The following TNRC6A variants were observed in gnomAD, a reference collection of about 807,000 sequenced individuals.
TNRC6A encodes the protein trinucleotide repeat-containing gene 6A protein.
TNRC6A carries 44 observed loss-of-function variants against 221.2 expected under a neutral mutation model. The observed-to-expected ratio is 0.20, with a 90% confidence interval of 0.16 to 0.26. The LOEUF (loss-of-function observed/expected upper bound fraction) is 0.26, where lower values mean the gene tolerates loss of function less well. TNRC6A is among the 10% of genes least tolerant of loss of function. The pLI, the probability that TNRC6A is intolerant of heterozygous loss-of-function variation, is 1.00. For missense variants in TNRC6A, 2,199 were observed against 2,404.4 expected, an observed-to-expected ratio of 0.91 and a Z score of 1.79; for synonymous variants, 847 against 838.5, an observed-to-expected ratio of 1.01 and a Z score of -0.18.
intron 2 of TNRC6A, among the ~76,000 whole-genome samples, chr16:24,689,446 G>C (rs1265312282): frequency 6.6e-6 from 1 of 152,200 alleles, no homozygotes; most frequent in Admixed American, 6.5e-5. Flanking sequence ...GCTGAAATCC[G>C]CACATTGATG....
At chr16:24,620,517 T>C (rs1324020738) in intron 1 of TNRC6A, among the ~76,000 whole-genome samples, 2 of 152,178 alleles carry the variant, frequency 1.3e-5, no homozygotes, top group Non-Finnish European at 2.9e-5. Context: ...GGCTGGGTGT[T>C]CTGGCTCAGG....
intron 8 of TNRC6A, chr16:24,795,549 A>G (rs1239534288): frequency 4.3e-6 from 1 of 230,464 alleles, no homozygotes; most frequent in Non-Finnish European, 8.4e-6. Flanking sequence ...CTTAGAAGTC[A>G]GATACCAGTG....
At chr16:24,669,790 T>C (rs915003297) in intron 2 of TNRC6A, among the ~76,000 whole-genome samples, 1 of 151,770 alleles carries the variant, frequency 6.6e-6, no homozygotes, top group Non-Finnish European at 1.5e-5. Flanking sequence ...GTAAGAGTAG[T>C]AATAGTAATA....
rs139612568 is a variant in TNRC6A at position 24,822,406 on chromosome 16, G to A, written c.5373+259G>A. The stretch of plus-strand genomic sequence containing the variant: ...AGTCAGTAGATCTGGGCTAGGGGCT[G>A]GGACTCTGCATTTGTATGAGGGCCT... On this transcript the variant is annotated intron_variant, in intron 23 of 24. Transcript: ENST00000395799. Among the ~76,000 whole-genome samples, 257 of 152,328 alleles carry A rather than the reference G, an allele frequency of 1.7e-3. 1 individual carries two copies. Among genetic ancestry groups the A allele is most frequent in the African/African-American group, 5.9e-3 (244 of 41,568 alleles).
intron 2 of TNRC6A, among the ~76,000 whole-genome samples, chr16:24,714,434 G>A (rs989553710): frequency 6.9e-6 from 1 of 144,582 alleles, no homozygotes; most frequent in African/African-American, 2.6e-5. Flanking sequence ...TCAGCCTCCC[G>A]AGTAGCTGGG....
chr16:24,682,199 C>G (rs992167924), intron 2 of TNRC6A, among the ~76,000 whole-genome samples: 1 of 151,054 alleles, frequency 6.6e-6, no homozygotes, highest in Admixed American at 6.6e-5. Context: ...AAGACATGTT[C>G]AAATTAGGTC....
intron 2 of TNRC6A, among the ~76,000 whole-genome samples, chr16:24,717,283 A>G (rs2056331477): frequency 6.6e-6 from 1 of 152,112 alleles, no homozygotes; most frequent in African/African-American, 2.4e-5. Context: ...GTTATCCTCT[A>G]CTTAATCAGT....
At chr16:24,701,785 T>A (rs1378632223) in intron 2 of TNRC6A, among the ~76,000 whole-genome samples, 5 of 152,314 alleles carry the variant, frequency 3.3e-5, no homozygotes, top group Middle Eastern at 3.4e-3. Context: ...AGAAAAACAT[T>A]CTCTGCACCA....
chr16:24,773,391 A>AT (rs1343780676), intron 4 of TNRC6A, among the ~76,000 whole-genome samples: 1 of 152,040 alleles, frequency 6.6e-6, no homozygotes, highest in Non-Finnish European at 1.5e-5. Context: ...TGCAGTTGAA[A>AT]TTTATTTAAG....
rs1567528605 is a variant in TNRC6A at position 24,823,008 on chromosome 16, G to C, written c.5508G>C (p.Leu1836=). 5 of 1,614,122 alleles carry C rather than the reference G, an allele frequency of 3.1e-6. No individual in the cohort carries two copies. Among genetic ancestry groups the C allele is most frequent in the Non-Finnish European group, 3.4e-6 (4 of 1,180,048 alleles). ...AGGTAGTGAAGGCACAAAAGTCTCT[G>C]CACATGTAAGTTGGCTGTTGGGCTC... ...KEEVVKAQKS[L]HMCVLGNTTI... Residue 1836 remains leucine (L), a synonymous_variant, in exon 24 of 25, where the codon CTG becomes CTC. Coordinates refer to ENST00000395799, the MANE Select transcript of TNRC6A (RefSeq NM_014494.4). This position sits in a 1 kb window ranked among gnomAD's most constrained non-coding sequence, Gnocchi z 4.3.
rs1206107443 is a variant in TNRC6A at position 24,791,806 on chromosome 16, G to A, written c.3164G>A (p.Ser1055Asn). ...PASAISNKEASSGSGWGEPWG... is the reference protein window; with the variant it reads ...PASAISNKEANSGSGWGEPWG... ...AGTGCCATCTCAAACAAAGAGGCAA[G>A]CAGTGGCTCTGGTAAGTTTCTATTT... Residue 1055 changes from serine to asparagine, a missense_variant, in exon 6 of 25, where the codon AGC (serine) becomes AAC (asparagine). Physicochemically the swap from Ser to Asn is conservative, Grantham distance 46. Around this residue, in one of 8 missense-constraint regions of TNRC6A, gnomAD observed 1,405 missense variants for 1,400.2 expected, o/e 1.00. Transcript: ENST00000395799. 3 of 1,543,706 alleles carry A rather than the reference G, an allele frequency of 1.9e-6. No individual in the cohort carries two copies. Among genetic ancestry groups the A allele is most frequent in the Admixed American group, 2.2e-5 (1 of 45,980 alleles).
intron 1 of TNRC6A, among the ~76,000 whole-genome samples, chr16:24,616,187 G>A (rs1445950740): frequency 6.6e-6 from 1 of 151,758 alleles, no homozygotes; most frequent in Non-Finnish European, 1.5e-5. Flanking sequence ...TTTGCCAGGC[G>A]TGGTGGTGGA....
At chr16:24,748,377 C>G (rs1222766530) in intron 2 of TNRC6A, among the ~76,000 whole-genome samples, 1 of 152,132 alleles carries the variant, frequency 6.6e-6, no homozygotes, top group Non-Finnish European at 1.5e-5. Context: ...TGCTCCTTGA[C>G]TTCCCTGGGA....
In TNRC6A at chr16:24,687,843, G is replaced by GGAAGAGGAAGAA. The variant is rs1555489486; in HGVS notation, n.402+46839_402+46840insGGAAGAAGAAGA. Among the ~76,000 whole-genome samples, 739 of 101,912 alleles carry GGAAGAGGAAGAA rather than the reference G, an allele frequency of 7.3e-3. 10 individuals carry two copies. Among genetic ancestry groups the GGAAGAGGAAGAA allele is most frequent in the African/African-American group, 0.022 (663 of 29,874 alleles). The allele number at this position is 101,912 out of a possible 152,430, so 66.9% of individuals were successfully genotyped here. A position where few individuals can be genotyped will look rare whatever the true frequency, so the allele number is the denominator to read the frequency against. ...AAGAGGAAGAAGAGGAAGAGGAAGA[G>GGAAGAGGAAGAA]GAAGAAGAAGAAGAAGAAGAAGAAG... On this transcript the variant is annotated intron_variant and non_coding_transcript_variant, in intron 2 of 2. Coordinates refer to the TNRC6A transcript ENST00000566108.
chr16:24,818,998 T>TAA (rs570977428), intron 21 of TNRC6A, among the ~76,000 whole-genome samples: 1 of 142,292 alleles, frequency 7.0e-6, no homozygotes, highest in East Asian at 2.0e-4. Flanking sequence ...GGAGGATCTT[T>TAA]AAAAAAAAAA....
Position 24,806,780 on chromosome 16 carries a change from T to A in TNRC6A, c.4536T>A (p.Pro1512=). The A allele has an allele frequency of 6.2e-7, 1 of 1,614,150 alleles. No homozygotes were observed. Among genetic ancestry groups the A allele is most frequent in the Middle Eastern group, 1.6e-4 (1 of 6,062 alleles). The change falls in exon 17 of 25, where the codon CCT becomes CCA. Residue 1512 remains proline, a synonymous_variant. Coordinates refer to ENST00000395799, the MANE Select transcript of TNRC6A (RefSeq NM_014494.4). ...CAATAAATGCTTTCAGCAACTTCCC[T>A]ATAGGTGGGTTTCTCCTTGGCCCAA... ...PSPINAFSNF[P]IGLNSNLNVN... is the part of the protein sequence containing the mutation.
chr16:24,670,927 A>C, intron 2 of TNRC6A: 2 of 357,138 alleles, frequency 5.6e-6, no homozygotes, highest in Non-Finnish European at 1.2e-5. Flanking sequence ...ACTTCCTTAC[A>C]TGATGCTGAC....
At chr16:24,760,851 T>A (rs2057348563) in intron 4 of TNRC6A, among the ~76,000 whole-genome samples, 1 of 152,216 alleles carries the variant, frequency 6.6e-6, no homozygotes, top group Non-Finnish European at 1.5e-5. Context: ...ATGGTACATT[T>A]GTCAAAACTA....
intron 1 of TNRC6A, among the ~76,000 whole-genome samples, chr16:24,633,242 G>C (rs1901443809): frequency 6.6e-6 from 1 of 152,092 alleles, no homozygotes. Context: ...GTAGGTTTAA[G>C]ATCTCAGCTC....
Sources: gnomAD v4.1 joint callset for allele counts (sites outside exome capture counted in the v4.1 genomes callset) on GRCh38, gnomAD v4.1.1 for gene constraint, gnomAD v4.1.1 regional missense constraint, Gnocchi (gnomAD v3.1) non-coding constraint, MANE v1.5 for transcripts, NCBI Gene and HGNC (gene_info 2026-07-23, HGNC 2026-07-21) for gene names.